RAB3C: variants seen among roughly 807,000 people sequenced by gnomAD.
RAB3C encodes the protein RAB3C, member RAS oncogene family, also known as ras-related protein Rab-3C.
RAB3C carries 17 observed loss-of-function variants against 26.4 expected under a neutral mutation model. That is an observed-to-expected ratio of 0.64 (90% CI 0.44 to 0.97). The LOEUF (loss-of-function observed/expected upper bound fraction) is 0.97, where lower values mean the gene tolerates loss of function less well. RAB3C is among the 50% of genes least tolerant of loss of function. The probability of loss-of-function intolerance (pLI) is 0.00; values close to 1 mark genes in which losing one functional copy is unlikely to be tolerated. For synonymous variants in RAB3C, 91 were observed against 95.9 expected, an observed-to-expected ratio of 0.95 and a Z score of 0.30; for missense variants, 242 against 281.9, an observed-to-expected ratio of 0.86 and a Z score of 1.01.
intron 2 of RAB3C, among the ~76,000 whole-genome samples, chr5:58,705,729 C>T (rs1274055648): frequency 3.3e-5 from 5 of 152,272 alleles, no homozygotes. Context: ...TCCCCCTACC[C>T]ACTTGCACTC....
intron 2 of RAB3C, among the ~76,000 whole-genome samples, chr5:58,619,260 C>G (rs1425321745): frequency 3.3e-5 from 5 of 152,116 alleles, no homozygotes. Context: ...CTCCATCATT[C>G]CCCAAAGCCA....
intron 2 of RAB3C, among the ~76,000 whole-genome samples, chr5:58,657,952 A>T (rs1475423229): frequency 6.6e-6 from 1 of 152,208 alleles, no homozygotes; most frequent in Non-Finnish European, 1.5e-5. Flanking sequence ...AAATGCAAAA[A>T]GTAAGCCACC....
intron 2 of RAB3C, among the ~76,000 whole-genome samples, chr5:58,660,036 C>A (rs1747867140): frequency 2.2e-4 from 33 of 148,544 alleles, no homozygotes; most frequent in African/African-American, 8.7e-4. Context: ...AATTCTTGAA[C>A]TCAAGCAATC....
At chr5:58,784,566 C>T (rs143153552) in intron 3 of RAB3C, among the ~76,000 whole-genome samples, 10 of 151,678 alleles carry the variant, frequency 6.6e-5, no homozygotes, top group Non-Finnish European at 1.5e-4. Context: ...TGTATTGCTG[C>T]TTTTTCATTA....
At chr5:58,629,145 T>C (rs1747133399) in intron 2 of RAB3C, among the ~76,000 whole-genome samples, 1 of 152,104 alleles carries the variant, frequency 6.6e-6, no homozygotes, top group Admixed American at 6.5e-5. Context: ...ACTCTTTTGG[T>C]AATCTGGCAG....
intron 2 of RAB3C, among the ~76,000 whole-genome samples, chr5:58,664,453 C>T (rs189766665): frequency 2.0e-5 from 3 of 152,078 alleles, no homozygotes; most frequent in East Asian, 1.9e-4. Flanking sequence ...TTCAGAATAG[C>T]GGTTGCTAGG....
chr5:58,597,485 T>C (rs1746340997), intron 1 of RAB3C, among the ~76,000 whole-genome samples: 1 of 112,550 alleles, frequency 8.9e-6, no homozygotes, highest in African/African-American at 3.3e-5. Context: ...CATATAACAA[T>C]ATATAGTTCA....
chr5:58,703,907 G>C (rs1277554617), intron 2 of RAB3C, among the ~76,000 whole-genome samples: 2 of 152,088 alleles, frequency 1.3e-5, no homozygotes, highest in Non-Finnish European at 2.9e-5. Flanking sequence ...CTTTAAAAAG[G>C]CTTAACCTCA....
intron 4 of RAB3C, among the ~76,000 whole-genome samples, chr5:58,837,154 T>G (rs942777595): frequency 1.3e-5 from 2 of 152,168 alleles, no homozygotes; most frequent in Non-Finnish European, 2.9e-5. Flanking sequence ...GAACATTTTT[T>G]GATACATTCA....
Position 58,858,074 on chromosome 5 carries a change from G to T in RAB3C, c.*6723G>T, listed in dbSNP as rs1170239777. ...TATTCACTAAAATTGATGCAAGACA[G>T]TTGGTTCTAGATGACCATGGCCATG... is the stretch of plus-strand genomic sequence containing the variant. On this transcript the variant is annotated 3_prime_UTR_variant, in exon 5 of 5. Coordinates refer to ENST00000282878, the MANE Select transcript of RAB3C (RefSeq NM_138453.4). The T allele has an allele frequency of 6.6e-6, 1 of 152,178 alleles. No individual in the cohort carries two copies. Among genetic ancestry groups the T allele is most frequent in the Non-Finnish European group, 1.5e-5 (1 of 68,020 alleles). The allele number at this position is 152,178 out of a possible 1,614,324, so 9.4% of individuals were successfully genotyped here.
At chr5:58,586,541 C>T (rs1579799748) in intron 1 of RAB3C, among the ~76,000 whole-genome samples, 1 of 152,062 alleles carries the variant, frequency 6.6e-6, no homozygotes, top group Admixed American at 6.6e-5. Context: ...TGGTTTGCTT[C>T]TATCTATTAT....
intron 4 of RAB3C, among the ~76,000 whole-genome samples, chr5:58,832,719 G>C (rs1652938938): frequency 6.6e-6 from 1 of 152,198 alleles, no homozygotes; most frequent in Non-Finnish European, 1.5e-5. Context: ...CTTGAAGTAT[G>C]AATAGGATTT....
chr5:58,837,739 A>T (rs1256320100), intron 4 of RAB3C, among the ~76,000 whole-genome samples: 1 of 150,010 alleles, frequency 6.7e-6, no homozygotes, highest in African/African-American at 2.4e-5. Context: ...TTAAGTATTT[A>T]GTAGAGATGG....
At position 58,856,119 on chromosome 5, in the gene RAB3C, A is replaced by G. The variant is rs1171452728; in HGVS notation, c.*4768A>G. On this transcript the variant is annotated 3_prime_UTR_variant, in exon 5 of 5. Transcript: ENST00000282878. ...TTTTTAAGAAGGCAAAATTCCATCTATGGTGCTTTCTCAGTGCTAGGGAAA... is the reference window on the plus strand; with the variant it reads ...TTTTTAAGAAGGCAAAATTCCATCTGTGGTGCTTTCTCAGTGCTAGGGAAA... 6.6e-6 allele frequency: 1 copy of G among 151,990 alleles called. No homozygotes were observed. The highest frequency in any genetic ancestry group is 1.5e-5 in the Non-Finnish European group (1 of 68,002). The allele number at this position is 151,990 out of a possible 1,614,324, so 9.4% of individuals were successfully genotyped here. A position where few individuals can be genotyped will look rare whatever the true frequency, so the allele number is the denominator to read the frequency against.
intron 2 of RAB3C, among the ~76,000 whole-genome samples, chr5:58,697,173 G>A (rs574772500): frequency 2.6e-5 from 4 of 152,086 alleles, no homozygotes; most frequent in East Asian, 1.9e-4. Context: ...CCTTCATTTC[G>A]TTATTTACCC....
At chr5:58,829,175 T>C (rs562465388) in intron 4 of RAB3C, among the ~76,000 whole-genome samples, 1 of 152,178 alleles carries the variant, frequency 6.6e-6, no homozygotes, top group East Asian at 1.9e-4. Flanking sequence ...AGTGCTGAGA[T>C]TACAGGTGTG....
Position 58,642,411 on chromosome 5 carries a change from G to A in RAB3C, c.252+24541G>A, listed in dbSNP as rs147441675. Among the ~76,000 whole-genome samples, 810 of 152,076 alleles carry A rather than the reference G, an allele frequency of 5.3e-3. 3 individuals carry two copies. Among genetic ancestry groups the A allele is most frequent in the Non-Finnish European group, 8.6e-3 (586 of 67,998 alleles). On this transcript the variant is annotated intron_variant, in intron 2 of 4. Transcript: ENST00000282878. ...TTTCTCTCTTATAACTATTTCTGTC[G>A]ACTACTCTCCTCACATTCACTCTTC...
intron 2 of RAB3C, among the ~76,000 whole-genome samples, chr5:58,680,555 T>C (rs1317937006): frequency 6.6e-6 from 1 of 152,226 alleles, no homozygotes; most frequent in Non-Finnish European, 1.5e-5. Flanking sequence ...TATTATCTTA[T>C]AGTTCTGAAG....
chr5:58,796,034 CTCCAATCAGGTTCACTGATA>C (rs1210095125), intron 3 of RAB3C, among the ~76,000 whole-genome samples: 7 of 152,168 alleles, frequency 4.6e-5, no homozygotes, highest in Admixed American at 1.3e-4. Context: ...TCTGCATCTC[CTCCAATCAGGTTCACTGATA>C]TCATAGCTTT....
Sources: gnomAD v4.1 joint callset for allele counts (sites outside exome capture counted in the v4.1 genomes callset) on GRCh38, gnomAD v4.1.1 for gene constraint, MANE v1.5 for transcripts, NCBI Gene and HGNC (gene_info 2026-07-23, HGNC 2026-07-21) for gene names.